NEK11: variants seen among roughly 807,000 people sequenced by gnomAD.
The protein encoded by NEK11 is serine/threonine-protein kinase Nek11.
A neutral mutation model predicts 80.7 loss-of-function variants in NEK11; 72 were observed. The ratio of observed to expected loss-of-function variants is 0.89; its 90% CI spans 0.74 to 1.08. NEK11 has a LOEUF of 1.08. Ranked by LOEUF, NEK11 falls within the 50% of genes least tolerant of loss-of-function variation. The probability of loss-of-function intolerance (pLI) is 0.00; values close to 1 mark genes in which losing one functional copy is unlikely to be tolerated. For missense variants in NEK11, 764 were observed against 763.6 expected, an observed-to-expected ratio of 1.00 and a Z score of -0.01; for synonymous variants, 251 against 260.7, an observed-to-expected ratio of 0.96 and a Z score of 0.36.
At chr3:131,272,463 C>CTTCTTTTTTTTTTTTTTTTTTTT (rs2096210843) in intron 16 of NEK11, among the ~76,000 whole-genome samples, 3 of 43,884 alleles carry the variant, frequency 6.8e-5, no homozygotes, top group South Asian at 1.2e-3. Context: ...GTTTTAGCTT[C>CTTCTTTTTTTTTTTTTTTTTTTT]TTTTTTTTTT....
chr3:131,168,888 CT>C lies in NEK11; in HGVS notation c.1237del (p.Cys413ValfsTer23). The C allele has an allele frequency of 6.2e-7, 1 of 1,614,006 alleles. No homozygotes were observed. Among genetic ancestry groups the C allele is most frequent in the Non-Finnish European group, 8.5e-7 (1 of 1,179,958 alleles). ...GAGGAGCAACCTGAGGGAAGACTTT[CT>C]TGTTCACCCCAGGACGAGGATGAAG... ...EKEEQPEGRL[S>X]CSPQDEDEER... On this transcript the variant is annotated frameshift_variant, in exon 13 of 18. Coordinates refer to ENST00000383366, the MANE Select transcript of NEK11 (RefSeq NM_024800.5). LOFTEE classifies it high-confidence loss of function.
At chr3:131,334,045 A>T (rs1315873547) in intron 17 of NEK11, among the ~76,000 whole-genome samples, 4 of 152,294 alleles carry the variant, frequency 2.6e-5, no homozygotes, top group Non-Finnish European at 5.9e-5. Context: ...CACTGTCAAC[A>T]TTAGACAGAT....
Position 131,232,513 on chromosome 3 carries a change from C to G in NEK11, c.1560+3825C>G, listed in dbSNP as rs541555788. On this transcript the variant is annotated intron_variant, in intron 15 of 17. Coordinates refer to ENST00000383366, the MANE Select transcript of NEK11 (RefSeq NM_024800.5). ...GTCACTGAGGCTTGTTTTAAGAAGG[C>G]TCTTCAGGACTATGGTGTTTGTTCT... 1.7e-4 allele frequency among the ~76,000 whole-genome samples: 26 copies of G among 152,302 alleles called. 1 individual carries two copies. The South Asian group carries it at 5.2e-3, about 30-fold the overall frequency.
intron 11 of NEK11, among the ~76,000 whole-genome samples, chr3:131,164,568 G>C (rs2092015122): frequency 6.6e-6 from 1 of 151,992 alleles, no homozygotes; most frequent in African/African-American, 2.4e-5. Context: ...GATTAAAAAG[G>C]CAAATTTAAT....
Position 131,196,594 on chromosome 3 carries a change from C to T in NEK11, c.1399+25707C>T, listed in dbSNP as rs190533978. Among the ~76,000 whole-genome samples, 4 of 151,786 alleles carry T rather than the reference C, an allele frequency of 2.6e-5. No individual in the cohort carries two copies. The East Asian group carries it at 5.8e-4, about 22-fold the overall frequency. ...TGCCACACAAGCTGGAGTAGAGTGG[C>T]ATGATCTTGGCTCACTACAACCTCC... On this transcript the variant is annotated intron_variant, in intron 14 of 17. Coordinates refer to ENST00000383366, the MANE Select transcript of NEK11 (RefSeq NM_024800.5).
intron 14 of NEK11, among the ~76,000 whole-genome samples, chr3:131,217,513 G>A (rs1056901285): frequency 6.6e-6 from 1 of 152,118 alleles, no homozygotes; most frequent in African/African-American, 2.4e-5. Flanking sequence ...ACGGGGATGC[G>A]TTCAAAGAAA....
chr3:131,053,246 A>G (rs915405088), intron 3 of NEK11: 2 of 152,220 alleles, frequency 1.3e-5, no homozygotes, highest in Non-Finnish European at 2.9e-5. Flanking sequence ...CTATTAAGAC[A>G]TGTCAACATT....
chr3:131,231,599 C>G (rs1481170921), intron 15 of NEK11, among the ~76,000 whole-genome samples: 1 of 151,550 alleles, frequency 6.6e-6, no homozygotes, highest in Non-Finnish European at 1.5e-5. Flanking sequence ...GTATTAGAGA[C>G]AGGTAATTAC....
chr3:131,232,245 C>T (rs2095344127), intron 15 of NEK11, among the ~76,000 whole-genome samples: 1 of 152,182 alleles, frequency 6.6e-6, no homozygotes, highest in South Asian at 2.1e-4. Context: ...ACAGGGTTCT[C>T]CACAACACTT....
chr3:131,274,812 C>T (rs1417930261), intron 17 of NEK11, among the ~76,000 whole-genome samples: 1 of 151,360 alleles, frequency 6.6e-6, no homozygotes, highest in Non-Finnish European at 1.5e-5. Context: ...TGCCACCGCG[C>T]CTGGCTAATT....
chr3:131,075,835 C>T (rs1560281470), intron 3 of NEK11, among the ~76,000 whole-genome samples: 2 of 152,256 alleles, frequency 1.3e-5, no homozygotes, highest in South Asian at 4.1e-4. Context: ...CCACCCTTTG[C>T]CAGTTTAAGC....
intron 5 of NEK11, among the ~76,000 whole-genome samples, chr3:131,128,678 A>C (rs779698942): frequency 1.3e-5 from 2 of 152,232 alleles, no homozygotes; most frequent in Admixed American, 6.5e-5. Context: ...ACCAAGGAAC[A>C]TGATTGCTGG....
At chr3:131,274,528 C>T (rs1324196618) in intron 17 of NEK11, among the ~76,000 whole-genome samples, 1 of 150,984 alleles carries the variant, frequency 6.6e-6, no homozygotes, top group African/African-American at 2.4e-5. Context: ...CCTGAGGAAT[C>T]GCTACACTGA....
At chr3:131,158,558 C>T (rs117439164) in intron 10 of NEK11, among the ~76,000 whole-genome samples, 1 of 152,280 alleles carries the variant, frequency 6.6e-6, no homozygotes, top group East Asian at 1.9e-4. Context: ...CCTGAGTGGC[C>T]ACCCCTACCT....
intron 5 of NEK11, among the ~76,000 whole-genome samples, chr3:131,119,910 G>A (rs1441151154): frequency 2.0e-5 from 3 of 152,154 alleles, no homozygotes; most frequent in African/African-American, 4.8e-5. Flanking sequence ...ACAGCACACC[G>A]ATGGGTCTTG....
chr3:131,200,039 A>G (rs769743482), intron 14 of NEK11, among the ~76,000 whole-genome samples: 8 of 152,194 alleles, frequency 5.3e-5, no homozygotes, highest in Non-Finnish European at 1.0e-4. Context: ...AAAATACAGA[A>G]ATCTATAGCT....
At chr3:131,250,576 A>T (rs1276964153) in intron 16 of NEK11, among the ~76,000 whole-genome samples, 1 of 152,100 alleles carries the variant, frequency 6.6e-6, no homozygotes, top group Admixed American at 6.6e-5. Flanking sequence ...AGAGGAAGAC[A>T]TGAACTTCAG....
At chr3:131,120,379 T>A (rs899228569) in intron 5 of NEK11, among the ~76,000 whole-genome samples, 3 of 152,206 alleles carry the variant, frequency 2.0e-5, no homozygotes, top group Admixed American at 2.0e-4. Flanking sequence ...CCTTTGTGGG[T>A]AACCCGACCT....
At chr3:131,228,789 G>T in intron 15 of NEK11, 101 bp downstream of exon 15, 1 of 1,189,370 alleles carries the variant, frequency 8.4e-7, no homozygotes, top group East Asian at 2.5e-5. Context: ...TTGGGGACAT[G>T]GGGAACAGGG....
Sources: allele counts gnomAD v4.1 joint callset (sites outside exome capture counted in the v4.1 genomes callset), GRCh38; gene constraint gnomAD v4.1.1; transcripts MANE v1.5; gene names NCBI Gene and HGNC (gene_info 2026-07-23, HGNC 2026-07-21).